RBFOX1: variants seen among roughly 807,000 people sequenced by gnomAD.
The protein encoded by RBFOX1 is RNA binding protein fox-1 homolog 1.
In RBFOX1, 8 loss-of-function variants were observed where a neutral mutation model predicts 57.7. The ratio of observed to expected loss-of-function variants is 0.14; its 90% CI spans 0.08 to 0.25. RBFOX1 has a LOEUF of 0.25. RBFOX1 is among the 10% of genes least tolerant of loss of function. The probability of loss-of-function intolerance (pLI) is 1.00; values close to 1 mark genes in which losing one functional copy is unlikely to be tolerated. For missense variants in RBFOX1, 611 were observed against 548.5 expected, an observed-to-expected ratio of 1.11 and a Z score of -1.14; for synonymous variants, 326 against 222.4, an observed-to-expected ratio of 1.47 and a Z score of -4.15.
At chr16:6,087,900 C>T (rs537566662) in intron 1 of RBFOX1, among the ~76,000 whole-genome samples, 1 of 152,182 alleles carries the variant, frequency 6.6e-6, no homozygotes, top group South Asian at 2.1e-4. Flanking sequence ...ATCCACCTGC[C>T]TCGGCCTCCC....
At chr16:6,731,145 G>A (rs1273756310) in intron 3 of RBFOX1, among the ~76,000 whole-genome samples, 2 of 152,116 alleles carry the variant, frequency 1.3e-5, no homozygotes, top group African/African-American at 4.8e-5. Context: ...AATACAGAGG[G>A]ACTGCTGAGG....
At chr16:5,697,492 T>A (rs1486945728) in intron 3 of RBFOX1, among the ~76,000 whole-genome samples, 1 of 150,954 alleles carries the variant, frequency 6.6e-6, no homozygotes, top group East Asian at 1.9e-4. Context: ...AGAACAATGA[T>A]GAATAAAGGT....
chr16:6,944,063 C>T (rs1457573563), intron 3 of RBFOX1, among the ~76,000 whole-genome samples: 3 of 152,070 alleles, frequency 2.0e-5, no homozygotes, highest in African/African-American at 7.2e-5. Context: ...CACTGCAAAG[C>T]CTGAAACCTG....
At chr16:6,671,776 G>T (rs1200585560) in intron 3 of RBFOX1, among the ~76,000 whole-genome samples, 1 of 152,162 alleles carries the variant, frequency 6.6e-6, no homozygotes, top group African/African-American at 2.4e-5. Flanking sequence ...CATCCAGGTT[G>T]CTGTGAATGC....
At chr16:7,021,469 T>A (rs2039042704) in intron 3 of RBFOX1, among the ~76,000 whole-genome samples, 1 of 146,062 alleles carries the variant, frequency 6.8e-6, no homozygotes, top group African/African-American at 2.5e-5. Flanking sequence ...TTAATATAAT[T>A]TATATTGTAT....
intron 2 of RBFOX1, among the ~76,000 whole-genome samples, chr16:6,631,917 G>T (rs2098389841): frequency 6.6e-6 from 1 of 152,200 alleles, no homozygotes. Flanking sequence ...AGCAGGAAAA[G>T]GTAGGAGAGG....
At chr16:5,727,911 T>G (rs1448837349) in intron 3 of RBFOX1, among the ~76,000 whole-genome samples, 1 of 152,188 alleles carries the variant, frequency 6.6e-6, no homozygotes, top group East Asian at 1.9e-4. Flanking sequence ...GGCCTTCAAC[T>G]CCTGGCCTCA....
intron 3 of RBFOX1, among the ~76,000 whole-genome samples, chr16:6,998,844 C>G (rs915368625): frequency 3.2e-4 from 48 of 151,796 alleles, no homozygotes; most frequent in African/African-American, 1.1e-3. Context: ...AGTCATGTTT[C>G]TTCTTTTTTT....
chr16:6,548,005 C>T (rs933791655), intron 2 of RBFOX1, among the ~76,000 whole-genome samples: 19 of 152,042 alleles, frequency 1.2e-4, no homozygotes, highest in African/African-American at 4.6e-4. Context: ...TAATCATAGC[C>T]CTTATTATCT....
chr16:5,419,543 A>G (rs1221777488), intron 1 of RBFOX1, among the ~76,000 whole-genome samples: 1 of 151,806 alleles, frequency 6.6e-6, no homozygotes, highest in Non-Finnish European at 1.5e-5. Context: ...TCATAGACAC[A>G]CCCAGGAACA....
chr16:7,564,812 G>C (rs1342802882), intron 5 of RBFOX1, among the ~76,000 whole-genome samples: 1 of 151,994 alleles, frequency 6.6e-6, no homozygotes, highest in Non-Finnish European at 1.5e-5. Context: ...TTTTCCCAAG[G>C]AATAAAAATA....
chr16:6,536,709 A>G (rs1235614214), intron 2 of RBFOX1, among the ~76,000 whole-genome samples: 6 of 152,162 alleles, frequency 3.9e-5, no homozygotes, highest in African/African-American at 1.4e-4. Context: ...TAGGTGTCTT[A>G]GACCCAACAA....
intron 3 of RBFOX1, among the ~76,000 whole-genome samples, chr16:5,826,514 T>TG (rs2056061510): frequency 6.6e-6 from 1 of 152,212 alleles, no homozygotes; most frequent in Non-Finnish European, 1.5e-5. Flanking sequence ...ACTCTACCAT[T>TG]TGGCATGAAA....
chr16:7,377,836 G>A (rs1413129114), intron 4 of RBFOX1, among the ~76,000 whole-genome samples: 1 of 152,192 alleles, frequency 6.6e-6, no homozygotes, highest in Non-Finnish European at 1.5e-5. Context: ...AGAGTAACAA[G>A]CACAGTGAAG....
chr16:7,253,196 C>T (rs989856444), intron 4 of RBFOX1, among the ~76,000 whole-genome samples: 2 of 152,182 alleles, frequency 1.3e-5, no homozygotes. Context: ...GAAGCAGAGA[C>T]CAAGACAAAA....
At chr16:6,663,335 C>A (rs1250463113) in intron 3 of RBFOX1, among the ~76,000 whole-genome samples, 1 of 152,180 alleles carries the variant, frequency 6.6e-6, no homozygotes, top group African/African-American at 2.4e-5. Context: ...TTGATCAACA[C>A]TGACAATGGA....
intron 3 of RBFOX1, among the ~76,000 whole-genome samples, chr16:5,724,161 G>A (rs945328160): frequency 6.6e-6 from 1 of 152,184 alleles, no homozygotes; most frequent in Non-Finnish European, 1.5e-5. Flanking sequence ...TCTCAAAGAA[G>A]AGAATGTTTT....
At chr16:5,860,039 G>A (rs1382621433) in intron 3 of RBFOX1, among the ~76,000 whole-genome samples, 2 of 152,206 alleles carry the variant, frequency 1.3e-5, no homozygotes, top group African/African-American at 4.8e-5. Flanking sequence ...CATTTCAGCT[G>A]TGGGTGCCCA....
intron 3 of RBFOX1, among the ~76,000 whole-genome samples, chr16:6,890,932 C>G (rs1189178761): frequency 6.6e-6 from 1 of 152,176 alleles, no homozygotes; most frequent in African/African-American, 2.4e-5. Flanking sequence ...CAGACTCTTG[C>G]TTGCTTGTGA....
Sources: allele counts gnomAD v4.1 joint callset (sites outside exome capture counted in the v4.1 genomes callset), GRCh38; gene constraint gnomAD v4.1.1; transcripts MANE v1.5; gene names NCBI Gene and HGNC (gene_info 2026-07-23, HGNC 2026-07-21).